The following TASP1 variants were observed in gnomAD, a reference collection of about 807,000 sequenced individuals.
TASP1 encodes the protein taspase 1, also known as threonine aspartase 1.
A neutral mutation model predicts 56.6 loss-of-function variants in TASP1; 16 were observed. The observed-to-expected ratio is 0.28, with a 90% CI of 0.19 to 0.43. The LOEUF is 0.43. Ranked by LOEUF, TASP1 falls within the 20% of genes least tolerant of loss-of-function variation. The pLI, the probability that TASP1 is intolerant of heterozygous loss-of-function variation, is 1.00. For missense variants in TASP1, 393 were observed against 511.6 expected, an observed-to-expected ratio of 0.77 and a Z score of 2.24; for synonymous variants, 179 against 184.2, an observed-to-expected ratio of 0.97 and a Z score of 0.23.
intron 4 of TASP1, among the ~76,000 whole-genome samples, chr20:13,600,998 G>A (rs140900419): frequency 2.1e-3 from 324 of 152,242 alleles, no homozygotes; most frequent in African/African-American, 7.3e-3. Context: ...AAGCCTGGCC[G>A]GGTGTGGTGG....
the TASP1 span, chr20:13,126,559 C>A: frequency 5.0e-6 from 8 of 1,610,448 alleles, no homozygotes; most frequent in Admixed American, 3.3e-5. Context: ...GATTTATTTG[C>A]CTTCTTTTTG....
intron 13 of TASP1, among the ~76,000 whole-genome samples, chr20:13,402,146 T>G (rs1203154661): frequency 6.6e-6 from 1 of 152,238 alleles, no homozygotes; most frequent in Admixed American, 6.5e-5. Context: ...TTCGCACCTC[T>G]GGGAAGACTT....
At chr20:13,288,797 T>C in the TASP1 span, 1 of 1,173,194 alleles carries the variant, frequency 8.5e-7, no homozygotes, top group Non-Finnish European at 1.2e-6. Flanking sequence ...TTTTCTTTTT[T>C]TTTTTGAGAC....
the TASP1 span, among the ~76,000 whole-genome samples, chr20:13,259,227 G>A: frequency 6.6e-6 from 1 of 151,170 alleles, no homozygotes; most frequent in African/African-American, 2.4e-5. Flanking sequence ...GTTGCAGTGA[G>A]CCGAGATCGT....
chr20:13,590,047 C>A (rs1260423722), intron 4 of TASP1, among the ~76,000 whole-genome samples: 1 of 152,098 alleles, frequency 6.6e-6, no homozygotes, highest in Non-Finnish European at 1.5e-5. Flanking sequence ...GCCTGGCCAA[C>A]ATGGTGAGAA....
At chr20:13,270,344 G>A in the TASP1 span, among the ~76,000 whole-genome samples, 1 of 152,212 alleles carries the variant, frequency 6.6e-6, no homozygotes, top group South Asian at 2.1e-4. Context: ...AAGACATGAA[G>A]AAACTAAACC....
At chr20:13,305,473 G>A in the TASP1 span, among the ~76,000 whole-genome samples, 12 of 152,128 alleles carry the variant, frequency 7.9e-5, no homozygotes, top group South Asian at 6.2e-4. Context: ...GTTGTGGGGC[G>A]GGGATTAGGG....
chr20:13,602,358 GT>G (rs1339397185), intron 4 of TASP1, among the ~76,000 whole-genome samples: 1 of 152,178 alleles, frequency 6.6e-6, no homozygotes, highest in Admixed American at 6.5e-5. Context: ...ATGTAATGTG[GT>G]ATCCTGGATG....
At chr20:13,160,556 C>T in the TASP1 span, among the ~76,000 whole-genome samples, 1 of 152,208 alleles carries the variant, frequency 6.6e-6, no homozygotes, top group Non-Finnish European at 1.5e-5. Flanking sequence ...AACAAATCTA[C>T]ATTACAGCAG....
chr20:13,469,673 G>T (rs1403823361), intron 11 of TASP1, among the ~76,000 whole-genome samples: 1 of 151,600 alleles, frequency 6.6e-6, no homozygotes. Context: ...TTTGGAAATT[G>T]TGATGGTTGT....
the TASP1 span, among the ~76,000 whole-genome samples, chr20:13,252,601 A>G: frequency 6.6e-6 from 1 of 152,016 alleles, no homozygotes; most frequent in Admixed American, 6.6e-5. Flanking sequence ...AAATACAAAA[A>G]TACATTAGCT....
intron 6 of TASP1, among the ~76,000 whole-genome samples, chr20:13,574,120 A>T (rs894273643): frequency 9.0e-5 from 13 of 144,000 alleles, no homozygotes; most frequent in Non-Finnish European, 1.8e-4. Context: ...ATGAAAGTTT[A>T]AAAAAAAAAA....
the TASP1 span, among the ~76,000 whole-genome samples, chr20:13,137,199 G>A: frequency 9.2e-5 from 14 of 152,210 alleles, no homozygotes; most frequent in African/African-American, 3.4e-4. Flanking sequence ...CTCCCTAGCA[G>A]AGGGCCTCCT....
chr20:13,422,923 G>C (rs947255567), intron 12 of TASP1, among the ~76,000 whole-genome samples: 2 of 152,198 alleles, frequency 1.3e-5, no homozygotes, highest in African/African-American at 4.8e-5. Flanking sequence ...ATGTTAGCAA[G>C]TAGGCAAATT....
chr20:13,131,718 T>C, the TASP1 span, among the ~76,000 whole-genome samples: 1 of 152,224 alleles, frequency 6.6e-6, no homozygotes, highest in African/African-American at 2.4e-5. Flanking sequence ...GCCTCCTGAA[T>C]ATTCTCCCCA....
At chr20:13,491,029 C>T in intron 10 of TASP1, among the ~76,000 whole-genome samples, 1 of 152,178 alleles carries the variant, frequency 6.6e-6, no homozygotes, top group African/African-American at 2.4e-5. Flanking sequence ...AAGTGATTCT[C>T]AGCTAGCTTA....
chr20:13,581,018 CAG>C, intron 5 of TASP1, 37 bp from the exon 6 acceptor site: 1 of 1,568,020 alleles, frequency 6.4e-7, no homozygotes, highest in Non-Finnish European at 8.7e-7. Context: ...AAAAAGATGT[CAG>C]AAATGTCTTC....
the TASP1 span, among the ~76,000 whole-genome samples, chr20:13,304,784 G>A: frequency 2.6e-5 from 4 of 152,222 alleles, no homozygotes; most frequent in African/African-American, 7.2e-5. Context: ...ACCAGTCCAC[G>A]AGCTCCCAGT....
the TASP1 span, among the ~76,000 whole-genome samples, chr20:13,246,306 G>A: frequency 0.036 from 5,359 of 150,678 alleles, 168 homozygotes; most frequent in African/African-American, 0.075. Flanking sequence ...GTGAACTGTC[G>A]AGGTAGAAAT....
Sources: allele counts gnomAD v4.1 joint callset (sites outside exome capture counted in the v4.1 genomes callset), GRCh38; gene constraint gnomAD v4.1.1; transcripts MANE v1.5; gene names NCBI Gene and HGNC (gene_info 2026-07-23, HGNC 2026-07-21).